The following ZNF804B variants were observed in gnomAD, a reference collection of about 807,000 sequenced individuals.
ZNF804B encodes the protein zinc finger protein 804B.
A neutral mutation model predicts 101.4 loss-of-function variants in ZNF804B; 80 were observed. That is an observed-to-expected ratio of 0.79 (90% CI 0.66 to 0.95). The LOEUF (loss-of-function observed/expected upper bound fraction) is 0.95. Among genes scored for constraint, ZNF804B ranks in the 40% least tolerant of loss-of-function variants. The pLI, the probability that ZNF804B is intolerant of heterozygous loss-of-function variation, is 0.00. For synonymous variants in ZNF804B, 622 were observed against 558.8 expected, an observed-to-expected ratio of 1.11 and a Z score of -1.59; for missense variants, 1,673 against 1,561.9, an observed-to-expected ratio of 1.07 and a Z score of -1.20.
intron 1 of ZNF804B, among the ~76,000 whole-genome samples, chr7:89,011,256 A>G (rs1277641692): frequency 6.6e-6 from 1 of 152,056 alleles, no homozygotes; most frequent in Non-Finnish European, 1.5e-5. Context: ...AATTACCTCC[A>G]CCTGGTCCTG....
At chr7:88,827,581 A>G (rs1243355968) in intron 1 of ZNF804B, among the ~76,000 whole-genome samples, 2 of 152,020 alleles carry the variant, frequency 1.3e-5, no homozygotes, top group Non-Finnish European at 2.9e-5. Flanking sequence ...TTTGGGCTCT[A>G]GGTGCACTTT....
intron 2 of ZNF804B, among the ~76,000 whole-genome samples, chr7:89,321,277 G>A (rs1055516323): frequency 1.3e-5 from 2 of 152,042 alleles, no homozygotes; most frequent in African/African-American, 2.4e-5. Context: ...TCAGGAGATC[G>A]AGACTGTCCT....
At chr7:89,005,766 C>A (rs923880148) in intron 1 of ZNF804B, among the ~76,000 whole-genome samples, 3 of 152,186 alleles carry the variant, frequency 2.0e-5, no homozygotes, top group Non-Finnish European at 4.4e-5. Flanking sequence ...TAATAAAATT[C>A]TCTTTCCTTC....
rs1323415774 is a variant in ZNF804B at position 89,200,170 on chromosome 7, T to A, written c.109-17985T>A. Among the ~76,000 whole-genome samples the A allele has an allele frequency of 4.0e-5, 6 of 151,794 alleles. No individual in the cohort carries two copies. In the East Asian group the frequency reaches 1.2e-3, roughly 29 times the overall value. On this transcript the variant is annotated intron_variant, in intron 1 of 3. Coordinates refer to ENST00000333190, the MANE Select transcript of ZNF804B (RefSeq NM_181646.5). ...GAGTTTGCATATGGTTGAGCTTGGA[T>A]TAAAAGACTTTTGTCCCAATCTCTG...
intron 1 of ZNF804B, among the ~76,000 whole-genome samples, chr7:89,195,447 C>G (rs1161650508): frequency 2.8e-4 from 39 of 139,998 alleles, no homozygotes; most frequent in South Asian, 2.3e-3. Flanking sequence ...ACCCCATTGT[C>G]TCAGCCCAAA....
chr7:89,156,032 C>CTT (rs1387950852), intron 1 of ZNF804B, among the ~76,000 whole-genome samples: 1 of 52,062 alleles, frequency 1.9e-5, no homozygotes, highest in Non-Finnish European at 4.6e-5. Context: ...TTCTTTCTTT[C>CTT]TTTCTTTCTT....
At chr7:88,868,279 AG>A (rs1463458592) in intron 1 of ZNF804B, among the ~76,000 whole-genome samples, 1 of 152,080 alleles carries the variant, frequency 6.6e-6, no homozygotes, top group Non-Finnish European at 1.5e-5. Context: ...TACCTTCTCC[AG>A]TCCTCCTTGC....
chr7:89,153,414 AATG>A (rs542991833), intron 1 of ZNF804B, among the ~76,000 whole-genome samples: 56 of 140,844 alleles, frequency 4.0e-4, no homozygotes, highest in African/African-American at 1.3e-3. Context: ...CACTACTACT[AATG>A]ATGATGATGA....
At position 89,194,588 on chromosome 7, in the gene ZNF804B, G is replaced by C. The variant is rs919645066; in HGVS notation, c.109-23567G>C. Among the ~76,000 whole-genome samples, 20 of 151,340 alleles carry C rather than the reference G, an allele frequency of 1.3e-4. 1 individual carries two copies. The East Asian group carries it at 3.9e-3, about 29-fold the overall frequency. On this transcript the variant is annotated intron_variant, in intron 1 of 3. Coordinates refer to ENST00000333190, the MANE Select transcript of ZNF804B (RefSeq NM_181646.5). ...ATAAGGAATCCTTTCCCCATTGCTT[G>C]TTTTTCTCAGGTTTGTCAAAGATCA...
chr7:89,321,460 CAGA>C (rs1479970510), intron 2 of ZNF804B, among the ~76,000 whole-genome samples: 2 of 152,058 alleles, frequency 1.3e-5, no homozygotes, highest in South Asian at 2.1e-4. Context: ...GCTTGGGCAA[CAGA>C]GCGAGACCCC....
At chr7:89,112,798 C>A (rs1790241416) in intron 1 of ZNF804B, among the ~76,000 whole-genome samples, 1 of 152,062 alleles carries the variant, frequency 6.6e-6, no homozygotes, top group Admixed American at 6.6e-5. Context: ...ACTTCTATAC[C>A]TCAAATTAGG....
intron 1 of ZNF804B, among the ~76,000 whole-genome samples, chr7:88,838,233 C>T (rs1791244763): frequency 6.6e-6 from 1 of 151,550 alleles, no homozygotes; most frequent in African/African-American, 2.4e-5. Flanking sequence ...AAGGAAAGTA[C>T]AATAAGATAA....
chr7:89,219,285 G>A (rs1262895972), intron 2 of ZNF804B, among the ~76,000 whole-genome samples: 2 of 152,022 alleles, frequency 1.3e-5, no homozygotes, highest in Non-Finnish European at 2.9e-5. Flanking sequence ...CTAAGTTATA[G>A]GAAATATTAG....
chr7:89,113,558 C>T (rs1032084615), intron 1 of ZNF804B, among the ~76,000 whole-genome samples: 2 of 152,072 alleles, frequency 1.3e-5, no homozygotes, highest in African/African-American at 4.8e-5. Context: ...ATCTCACGCT[C>T]ATTTTCATCA....
At chr7:89,071,731 T>A (rs1158053961) in intron 1 of ZNF804B, among the ~76,000 whole-genome samples, 1 of 151,890 alleles carries the variant, frequency 6.6e-6, no homozygotes, top group Non-Finnish European at 1.5e-5. Flanking sequence ...TATTTGAAAT[T>A]TTTTAAGTAG....
At chr7:89,092,057 A>G (rs769849725) in intron 1 of ZNF804B, among the ~76,000 whole-genome samples, 1 of 152,192 alleles carries the variant, frequency 6.6e-6, no homozygotes, top group Non-Finnish European at 1.5e-5. Context: ...AACAACAAAC[A>G]TTTATTTCCC....
chr7:88,847,942 A>T (rs954741635), intron 1 of ZNF804B, among the ~76,000 whole-genome samples: 1 of 152,132 alleles, frequency 6.6e-6, no homozygotes, highest in Non-Finnish European at 1.5e-5. Context: ...ATGTTGAAAA[A>T]CCATGATTCA....
At chr7:88,777,790 G>C (rs1790166392) in intron 1 of ZNF804B, among the ~76,000 whole-genome samples, 2 of 147,152 alleles carry the variant, frequency 1.4e-5, no homozygotes, top group African/African-American at 5.0e-5. Context: ...AGAGGTTGCA[G>C]TGAGCCGAGA....
chr7:89,311,848 G>A (rs1037145349), intron 2 of ZNF804B, among the ~76,000 whole-genome samples: 1 of 152,166 alleles, frequency 6.6e-6, no homozygotes, highest in Non-Finnish European at 1.5e-5. Flanking sequence ...GGGTTACAAT[G>A]ACACTACAAA....
Sources: allele counts gnomAD v4.1 joint callset (sites outside exome capture counted in the v4.1 genomes callset), GRCh38; gene constraint gnomAD v4.1.1; transcripts MANE v1.5; gene names NCBI Gene and HGNC (gene_info 2026-07-23, HGNC 2026-07-21).